DNAJC1: variants seen among roughly 807,000 people sequenced by gnomAD.
The protein encoded by DNAJC1 is DnaJ heat shock protein family (Hsp40) member C1.
DNAJC1 carries 58 observed loss-of-function variants against 76.6 expected under a neutral mutation model. That is an observed-to-expected ratio of 0.76 (90% CI 0.61 to 0.94). The LOEUF (loss-of-function observed/expected upper bound fraction) is 0.94. DNAJC1 is among the 40% of genes least tolerant of loss of function. The probability of loss-of-function intolerance (pLI) is 0.00; values close to 1 mark genes in which losing one functional copy is unlikely to be tolerated. For missense variants in DNAJC1, 689 were observed against 677.3 expected (o/e 1.02, Z -0.19); for synonymous variants, 258 against 267.9 (o/e 0.96, Z 0.36).
At chr10:21,783,889 A>G (rs1834568430) in intron 9 of DNAJC1, among the ~76,000 whole-genome samples, 2 of 152,246 alleles carry the variant, frequency 1.3e-5, no homozygotes, top group African/African-American at 4.8e-5. Context: ...TACACCTTAT[A>G]CAAACATTAA....
chr10:21,933,718 G>T (rs1837264709), intron 1 of DNAJC1, among the ~76,000 whole-genome samples: 1 of 152,030 alleles, frequency 6.6e-6, no homozygotes. Flanking sequence ...CATCAACAAT[G>T]AATCGCATAT....
At chr10:21,957,609 T>C (rs1837711866) in intron 1 of DNAJC1, among the ~76,000 whole-genome samples, 3 of 152,232 alleles carry the variant, frequency 2.0e-5, no homozygotes, top group Non-Finnish European at 2.9e-5. Flanking sequence ...TTTTCATGTG[T>C]TTACTTTCTT....
chr10:21,909,766 T>G (rs1158374150), intron 6 of DNAJC1, among the ~76,000 whole-genome samples: 1 of 152,192 alleles, frequency 6.6e-6, no homozygotes, highest in East Asian at 1.9e-4. Context: ...TCTCTCCTCT[T>G]GTCATAATGA....
chr10:21,797,747 G>A (rs1299824349), intron 9 of DNAJC1, among the ~76,000 whole-genome samples: 46 of 152,116 alleles, frequency 3.0e-4, no homozygotes, highest in Non-Finnish European at 1.2e-4. Context: ...TATGTTGTGT[G>A]CTCTCTTGTC....
At chr10:22,002,050 G>A (rs1023672546) in intron 1 of DNAJC1, among the ~76,000 whole-genome samples, 53 of 152,076 alleles carry the variant, frequency 3.5e-4, no homozygotes, top group Admixed American at 3.5e-3. Flanking sequence ...TGGTACCCTG[G>A]CAACCCAGCA....
intron 8 of DNAJC1, among the ~76,000 whole-genome samples, chr10:21,845,546 G>C (rs1835644493): frequency 6.6e-6 from 1 of 151,786 alleles, no homozygotes; most frequent in Non-Finnish European, 1.5e-5. Context: ...ATAGAGACAG[G>C]GTTTCACCAT....
intron 7 of DNAJC1, among the ~76,000 whole-genome samples, chr10:21,886,005 C>G (rs956002760): frequency 6.6e-6 from 1 of 151,540 alleles, no homozygotes; most frequent in South Asian, 2.1e-4. Flanking sequence ...ATGAAGGAGA[C>G]AGAGACAAGA....
intron 7 of DNAJC1, among the ~76,000 whole-genome samples, chr10:21,903,114 A>G (rs1836685105): frequency 1.3e-5 from 2 of 151,860 alleles, no homozygotes; most frequent in African/African-American, 4.8e-5. Context: ...TTTAGTAGAG[A>G]CGGGGTTTTT....
chr10:21,985,421 G>A (rs1017343425), intron 1 of DNAJC1, among the ~76,000 whole-genome samples: 9 of 151,952 alleles, frequency 5.9e-5, no homozygotes, highest in East Asian at 1.9e-4. Flanking sequence ...AGCTAATTTC[G>A]TATTTTTAGC....
intron 1 of DNAJC1, among the ~76,000 whole-genome samples, chr10:21,990,291 T>G: frequency 6.6e-6 from 1 of 152,166 alleles, no homozygotes; most frequent in East Asian, 1.9e-4. Flanking sequence ...GTAACTATGG[T>G]GGCTTGCATC....
At chr10:21,831,210 G>A (rs1285064059) in intron 8 of DNAJC1, among the ~76,000 whole-genome samples, 2 of 152,126 alleles carry the variant, frequency 1.3e-5, no homozygotes, top group Non-Finnish European at 2.9e-5. Context: ...CAGGTGCCCA[G>A]AGATTTCAAT....
rs988881816 is a variant in DNAJC1 at position 21,812,065 on chromosome 10, T to C, written c.979-5966A>G. Among the ~76,000 whole-genome samples the C allele has an allele frequency of 2.6e-5, 4 of 152,146 alleles. No homozygotes were observed. In the East Asian group the frequency reaches 7.7e-4, roughly 29 times the overall value. On this transcript the variant is annotated intron_variant, in intron 8 of 11. Transcript: ENST00000376980. ...CATTTCCCAGATGACAAATGATTTTTTTTTTTTTTTTGAGATGGAGTCTCA... is the reference window on the plus strand; with the variant it reads ...CATTTCCCAGATGACAAATGATTTTCTTTTTTTTTTTGAGATGGAGTCTCA...
intron 8 of DNAJC1, among the ~76,000 whole-genome samples, chr10:21,867,853 C>G (rs1836030231): frequency 6.6e-6 from 1 of 151,796 alleles, no homozygotes; most frequent in Non-Finnish European, 1.5e-5. Flanking sequence ...GGGCAGATCA[C>G]CTGAGGTCAG....
At chr10:21,897,939 G>A (rs1387727852) in intron 7 of DNAJC1, among the ~76,000 whole-genome samples, 5 of 152,072 alleles carry the variant, frequency 3.3e-5, no homozygotes, top group Non-Finnish European at 7.4e-5. Context: ...CTGTCCCCAC[G>A]GTCAGATGAC....
At chr10:21,828,823 T>C (rs974705503) in intron 8 of DNAJC1, among the ~76,000 whole-genome samples, 1 of 152,216 alleles carries the variant, frequency 6.6e-6, no homozygotes, top group African/African-American at 2.4e-5. Context: ...GATACACATA[T>C]TTAATTTTGA....
intron 8 of DNAJC1, among the ~76,000 whole-genome samples, chr10:21,852,628 T>C (rs543433007): frequency 6.6e-6 from 1 of 152,184 alleles, no homozygotes; most frequent in Non-Finnish European, 1.5e-5. Context: ...AACTGGTGGA[T>C]GTATAAATTG....
chr10:21,764,116 A>C (rs1834269998), intron 10 of DNAJC1, among the ~76,000 whole-genome samples: 1 of 152,222 alleles, frequency 6.6e-6, no homozygotes, highest in African/African-American at 2.4e-5. Flanking sequence ...ATAAAAAAAA[A>C]ATGGAAACAA....
At chr10:21,877,010 C>T (rs892805125) in intron 8 of DNAJC1, among the ~76,000 whole-genome samples, 4 of 152,082 alleles carry the variant, frequency 2.6e-5, no homozygotes, top group African/African-American at 9.7e-5. Flanking sequence ...TGTGGCGGCT[C>T]ATGCTTGTAA....
At chr10:21,805,005 G>A (rs1389325689) in intron 9 of DNAJC1, among the ~76,000 whole-genome samples, 1 of 151,994 alleles carries the variant, frequency 6.6e-6, no homozygotes, top group African/African-American at 2.4e-5. Context: ...ACTAAAAAGT[G>A]GAAGTTTATT....
Sources: gnomAD v4.1 joint callset for allele counts (sites outside exome capture counted in the v4.1 genomes callset) on GRCh38, gnomAD v4.1.1 for gene constraint, MANE v1.5 for transcripts, NCBI Gene and HGNC (gene_info 2026-07-23, HGNC 2026-07-21) for gene names.